The following AFF3 variants were observed in gnomAD, a reference collection of about 807,000 sequenced individuals.
AFF3 encodes the protein ALF transcription elongation factor 3.
A neutral mutation model predicts 129.7 loss-of-function variants in AFF3; 32 were observed. That is an observed-to-expected ratio of 0.25 (90% CI 0.19 to 0.33). The LOEUF is 0.33. AFF3 is among the 10% of genes least tolerant of loss of function. The pLI, the probability that AFF3 is intolerant of heterozygous loss-of-function variation, is 1.00. For synonymous variants in AFF3, 644 were observed against 635.4 expected (o/e 1.01, Z -0.20); for missense variants, 1,373 against 1,592.0 (o/e 0.86, Z 2.34).
In AFF3 at chr2:99,735,385, G is replaced by GT. The variant is rs908847516; in HGVS notation, c.1040-8258dup. On this transcript the variant is annotated intron_variant, in intron 10 of 24. Coordinates refer to ENST00000672756, the MANE Select transcript of AFF3 (RefSeq NM_001386135.1). Reference sequence around the variant, plus strand: ...TGCTATTTTATTAATTTCTGCTTTTGTTTTTTTTTTGTAAATCTCTTTTCC... The same window carrying GT: ...TGCTATTTTATTAATTTCTGCTTTTGTTTTTTTTTTTGTAAATCTCTTTTCC... Among the ~76,000 whole-genome samples, 1,045 of 141,792 alleles carry GT rather than the reference G, an allele frequency of 7.4e-3. 7 individuals are homozygous for GT. Among genetic ancestry groups the GT allele is most frequent in the African/African-American group, 0.023 (883 of 38,888 alleles). The allele number at this position is 141,792 out of a possible 152,430, so 93.0% of individuals were successfully genotyped here.
At chr2:100,020,541 C>T (rs1236380236) in intron 4 of AFF3, among the ~76,000 whole-genome samples, 1 of 152,136 alleles carries the variant, frequency 6.6e-6, no homozygotes, top group African/African-American at 2.4e-5. Context: ...ACTTAGCTCA[C>T]CACCACACCG....
chr2:99,892,107 C>A (rs908648293), intron 7 of AFF3, among the ~76,000 whole-genome samples: 8 of 152,144 alleles, frequency 5.3e-5, no homozygotes, highest in Non-Finnish European at 8.8e-5. Flanking sequence ...CAGGCATGAG[C>A]CACCACACCC....
chr2:99,628,524 C>T (rs1267301623), intron 13 of AFF3, among the ~76,000 whole-genome samples: 1 of 151,896 alleles, frequency 6.6e-6, no homozygotes, highest in African/African-American at 2.4e-5. Flanking sequence ...ATTTGACTTC[C>T]TCTCTTCCTA....
chr2:100,016,471 T>C (rs1683087124), intron 4 of AFF3, among the ~76,000 whole-genome samples: 1 of 150,302 alleles, frequency 6.7e-6, no homozygotes, highest in South Asian at 2.1e-4. Context: ...GTGGTGGTAA[T>C]GGTGTTGGTG....
intron 7 of AFF3, 145 bp downstream of exon 7, chr2:100,006,486 TC>T (rs1681980495): frequency 1.0e-6 from 1 of 984,450 alleles, no homozygotes; most frequent in Non-Finnish European, 1.4e-6. Context: ...TAAGTCTGCC[TC>T]CCCTTTCAGT....
rs541531859 is a variant in AFF3, at chr2:99,928,777, C to T, written c.873+77855G>A. Among the ~76,000 whole-genome samples the T allele has an allele frequency of 4.6e-5, 7 of 152,260 alleles. No homozygotes were observed. The East Asian group carries it at 1.4e-3, about 29-fold the overall frequency. ...TAACACCATGGCTGTGTCTTGAGACCACCCCAACCTCAGTTCACTTGAATG... is the reference window on the plus strand; with the variant it reads ...TAACACCATGGCTGTGTCTTGAGACTACCCCAACCTCAGTTCACTTGAATG... On this transcript the variant is annotated intron_variant, in intron 7 of 24. Transcript: ENST00000672756.
chr2:100,060,807 C>T (rs532385619), intron 4 of AFF3, among the ~76,000 whole-genome samples: 2 of 152,250 alleles, frequency 1.3e-5, no homozygotes, highest in East Asian at 1.9e-4. Context: ...CTACACGCTA[C>T]ACTTTCTTTG....
chr2:99,939,919 G>A (rs367838478), intron 7 of AFF3, among the ~76,000 whole-genome samples: 3 of 152,244 alleles, frequency 2.0e-5, no homozygotes, highest in African/African-American at 4.8e-5. Flanking sequence ...CTCAATGATG[G>A]GTGTATTGTT....
rs142827359 is a variant in AFF3, at chr2:100,035,264, TC to T, written c.54-26333del. Among the ~76,000 whole-genome samples, 944 of 152,320 alleles carry T rather than the reference TC, an allele frequency of 6.2e-3. 11 individuals carry two copies. Among genetic ancestry groups the T allele is most frequent in the African/African-American group, 0.022 (910 of 41,580 alleles). ...AGGCTGCTTATGAAGCATATTTCAC[TC>T]AAGTATTAGCATCCTACATGGAGCC... On this transcript the variant is annotated intron_variant, in intron 4 of 24. Coordinates refer to ENST00000672756, the MANE Select transcript of AFF3 (RefSeq NM_001386135.1).
intron 7 of AFF3, among the ~76,000 whole-genome samples, chr2:99,857,983 C>T (rs577050226): frequency 1.3e-5 from 2 of 152,334 alleles, no homozygotes; most frequent in Admixed American, 6.5e-5. Context: ...TCCTCCCCTA[C>T]CCCTTGAGTT....
intron 8 of AFF3, among the ~76,000 whole-genome samples, chr2:99,756,394 T>A (rs964189784): frequency 6.6e-6 from 1 of 152,272 alleles, no homozygotes; most frequent in African/African-American, 2.4e-5. Context: ...CAGGTGACCC[T>A]GCCTCCTATG....
intron 3 of AFF3, chr2:100,104,792 T>TGCTGCA (rs1553521453): frequency 3.1e-5 from 23 of 740,562 alleles, no homozygotes; most frequent in African/African-American, 8.9e-5. Context: ...CCCGGCCCGC[T>TGCTGCA]GCTGCAGCCG....
intron 16 of AFF3, among the ~76,000 whole-genome samples, chr2:99,584,110 A>G (rs1322999954): frequency 1.3e-5 from 2 of 152,226 alleles, no homozygotes; most frequent in African/African-American, 4.8e-5. Context: ...TGTGAAGCCA[A>G]TTCTTAATAT....
chr2:99,841,194 G>T (rs1255315407), intron 7 of AFF3, among the ~76,000 whole-genome samples: 1 of 152,150 alleles, frequency 6.6e-6, no homozygotes, highest in Non-Finnish European at 1.5e-5. Flanking sequence ...TAAATGACAG[G>T]TTGCTTTTAT....
chr2:99,980,064 C>T (rs1679259735), intron 7 of AFF3, among the ~76,000 whole-genome samples: 2 of 152,068 alleles, frequency 1.3e-5, no homozygotes, highest in South Asian at 4.1e-4. Flanking sequence ...AATGTGAAAA[C>T]TCATAACAAT....
intron 12 of AFF3, among the ~76,000 whole-genome samples, chr2:99,656,572 C>T (rs1449182612): frequency 6.6e-6 from 1 of 152,152 alleles, no homozygotes; most frequent in Non-Finnish European, 1.5e-5. Flanking sequence ...TGTTCTTTTT[C>T]AAGTTGAGAC....
At chr2:99,966,377 C>T (rs1448599480) in intron 7 of AFF3, among the ~76,000 whole-genome samples, 2 of 151,946 alleles carry the variant, frequency 1.3e-5, no homozygotes, top group African/African-American at 4.8e-5. Context: ...GAAACTAAAC[C>T]CAGAAAAGAT....
intron 4 of AFF3, among the ~76,000 whole-genome samples, chr2:100,103,896 TG>T (rs1690978742): frequency 7.0e-6 from 1 of 142,310 alleles, no homozygotes; most frequent in African/African-American, 2.6e-5. Flanking sequence ...TCGGTGGAAG[TG>T]GGTGGGAGAG....
At chr2:100,022,945 A>G (rs1206795958) in intron 4 of AFF3, among the ~76,000 whole-genome samples, 1 of 152,138 alleles carries the variant, frequency 6.6e-6, no homozygotes, top group East Asian at 1.9e-4. Context: ...GACACTTCAC[A>G]TTTCTCCCCA....
Sources: allele counts gnomAD v4.1 joint callset (sites outside exome capture counted in the v4.1 genomes callset), GRCh38; gene constraint gnomAD v4.1.1; transcripts MANE v1.5; gene names NCBI Gene and HGNC (gene_info 2026-07-23, HGNC 2026-07-21).